Variants in VGF observed in about 807,000 individuals in gnomAD.
The protein encoded by VGF is neurosecretory protein VGF.
VGF carries 13 observed loss-of-function variants against 41.1 expected under a neutral mutation model. That is an observed-to-expected ratio of 0.32 (90% CI 0.21 to 0.50). The LOEUF (loss-of-function observed/expected upper bound fraction) is 0.50. VGF is among the 20% of genes least tolerant of loss of function. VGF has a pLI of 0.98. For synonymous variants in VGF, 473 were observed against 418.3 expected, an observed-to-expected ratio of 1.13 and a Z score of -1.60; for missense variants, 920 against 882.1, an observed-to-expected ratio of 1.04 and a Z score of -0.54.
chr7:101,163,284 C>T lies in VGF; in HGVS notation c.1560G>A (p.Leu520=). Residue 520 remains leucine (L), a synonymous_variant, in exon 2 of 2, where the codon CTG becomes CTA. Transcript: ENST00000249330. The surrounding 1 kb of genome is among the most constrained non-coding windows in gnomAD (Gnocchi z 5.0). ...PPAPAPARDE[L]PDWNEVLPPW... is the part of the protein sequence containing the mutation. ...GCGGGAGCACCTCGTTCCAGTCCGG[C>T]AGCTCGTCTCGTGCGGGAGCGGGGG... is the stretch of plus-strand genomic sequence containing the variant. 1 of 1,495,694 alleles carries T rather than the reference C, an allele frequency of 6.7e-7. No homozygotes were observed. The highest frequency in any genetic ancestry group is 8.8e-7 in the Non-Finnish European group (1 of 1,132,784). The allele number at this position is 1,495,694 out of a possible 1,614,324, so 92.7% of individuals were successfully genotyped here. A position where few individuals can be genotyped will look rare whatever the true frequency, so the allele number is the denominator to read the frequency against.
In VGF at chr7:101,164,171, G is replaced by T; in HGVS notation, c.673C>A (p.Pro225Thr). The part of the protein sequence containing the change: ...ARVPERAPLP[P>T]PAPSQFQARM... ...GCCTGGAATTGAGAGGGGGCCGGGGGCGGCAGGGGCGCGCGCTCCGGGACA... is the reference window on the plus strand; with the variant it reads ...GCCTGGAATTGAGAGGGGGCCGGGGTCGGCAGGGGCGCGCGCTCCGGGACA... The change falls in exon 2 of 2, where the codon CCC becomes ACC. Residue 225 changes from proline to threonine, a missense_variant. Pro to Thr is a conservative substitution (Grantham distance 38, BLOSUM62 -1). This residue lies in a region of VGF where 654 missense variants were observed against 638.4 expected (regional missense o/e 1.02). Coordinates refer to ENST00000249330, the MANE Select transcript of VGF (RefSeq NM_003378.4). The T allele has an allele frequency of 1.3e-6, 2 of 1,510,462 alleles. No individual in the cohort carries two copies. Among genetic ancestry groups the T allele is most frequent in the Non-Finnish European group, 1.8e-6 (2 of 1,136,908 alleles). 93.6% of individuals were successfully genotyped at this position (1,510,462 alleles called of 1,614,324 possible).
chr7:101,169,800 A>G (rs1270692136), upstream of VGF, among the ~76,000 whole-genome samples: 1 of 152,254 alleles, frequency 6.6e-6, no homozygotes, highest in East Asian at 1.9e-4. Context: ...ATTCTGGGGT[A>G]CACCAGGCAC....
upstream of VGF, among the ~76,000 whole-genome samples, chr7:101,169,335 GACAC>G (rs1329388054): frequency 1.3e-5 from 2 of 151,294 alleles, no homozygotes; most frequent in African/African-American, 2.4e-5. Context: ...TACACACACA[GACAC>G]ACACACACCA....
rs774837956 is a variant in VGF, at chr7:101,164,617, C to T, written c.227G>A (p.Gly76Asp). 1.9e-6 allele frequency: 3 copies of T among 1,598,726 alleles called. No homozygotes were observed. Among genetic ancestry groups the T allele is most frequent in the Non-Finnish European group, 2.6e-6 (3 of 1,173,570 alleles). ...CGCGGCCAGCGCCCGGGGATCCACGCCCTGGAAAAGCTCTCCCTCGTCCTG... is the reference window on the plus strand; with the variant it reads ...CGCGGCCAGCGCCCGGGGATCCACGTCCTGGAAAAGCTCTCCCTCGTCCTG... ...EPQDEGELFQ[G>D]VDPRALAAVL... The change falls in exon 2 of 2, where the codon GGC becomes GAC. Residue 76 changes from glycine to aspartate, a missense_variant. Coordinates refer to ENST00000249330, the MANE Select transcript of VGF (RefSeq NM_003378.4).
chr7:101,168,868 C>T (rs1195645283), upstream of VGF, among the ~76,000 whole-genome samples: 1 of 152,174 alleles, frequency 6.6e-6, no homozygotes, highest in East Asian at 1.9e-4. Flanking sequence ...TGACTCACCT[C>T]TGCAGCCTTT....
In VGF at chr7:101,164,255, G is replaced by C. The variant is rs747912898; in HGVS notation, c.589C>G (p.Leu197Val). 1.8e-5 allele frequency: 28 copies of C among 1,597,990 alleles called. No homozygotes were observed. Among genetic ancestry groups the C allele is most frequent in the Middle Eastern group, 1.7e-4 (1 of 6,040 alleles). ...TRTHTLTRVN[L>V]ESPGPERVWR... ...ACGCGCTCTGGCCCCGGGCTCTCCA[G>C]ATTCACTCGGGTCAGCGTGTGCGTG... Residue 197 changes from leucine (L) to valine (V), a missense_variant, in exon 2 of 2, where the codon CTG becomes GTG. Leu to Val is a conservative substitution (Grantham distance 32). Coordinates refer to ENST00000249330, the MANE Select transcript of VGF (RefSeq NM_003378.4).
Position 101,164,406 on chromosome 7 carries a change from C to T in VGF, c.438G>A (p.Gly146=), listed in dbSNP as rs1353931506. 6.2e-7 allele frequency: 1 copy of T among 1,610,724 alleles called. No individual in the cohort carries two copies. The stretch of plus-strand genomic sequence containing the variant: ...CCTCGGAGGGATCGCTCGCCTCGGG[C>T]CCATTCTCCGGAGTCTGAGGGCGAG... The part of the protein sequence containing the change: ...APPRPQTPEN[G]PEASDPSEEL... Residue 146 remains glycine (G), a synonymous_variant, in exon 2 of 2, where the codon GGG becomes GGA. Coordinates refer to ENST00000249330, the MANE Select transcript of VGF (RefSeq NM_003378.4).
rs746319210 is a variant in VGF at position 101,163,144 on chromosome 7, T to C, written c.1700A>G (p.His567Arg). ...GTGGCGCGAAGGCGGCAAGGCGTGG[T>C]GGTAGTGGCGGCGGCGCAAGGCCGA... ...PPSALRRRHY[H>R]HALPPSRHYP... The change falls in exon 2 of 2, where the codon CAC becomes CGC. Residue 567 changes from histidine to arginine, a missense_variant. Coordinates refer to ENST00000249330, the MANE Select transcript of VGF (RefSeq NM_003378.4). The surrounding 1 kb of genome is among the most constrained non-coding windows in gnomAD (Gnocchi z 5.0). 1.3e-6 allele frequency: 2 copies of C among 1,582,726 alleles called. No homozygotes were observed. Among genetic ancestry groups the C allele is most frequent in the East Asian group, 2.4e-5 (1 of 41,278 alleles).
At chr7:101,168,012 T>G (rs912590167), upstream of VGF, among the ~76,000 whole-genome samples, 5 of 99,344 alleles carry the variant, frequency 5.0e-5, no homozygotes, top group African/African-American at 1.5e-4. Flanking sequence ...CTGGGTTGTT[T>G]TTTTTTGTTT....
rs777985669 is a variant in VGF, at chr7:101,163,373, C to A, written c.1471G>T (p.Val491Leu). ...KRKKNAPPEP[V>L]PPPRAAPAPT... is the part of the protein sequence containing the mutation. Reference sequence around the variant, plus strand: ...GCGGGGGCGGCACGGGGGGGCGGCACGGGCTCGGGAGGGGCGTTCTTCTTC... The same window carrying A: ...GCGGGGGCGGCACGGGGGGGCGGCAAGGGCTCGGGAGGGGCGTTCTTCTTC... The change falls in exon 2 of 2, where the codon GTG becomes TTG. Residue 491 changes from valine (V) to leucine (L), a missense_variant. By Grantham distance (32) the Val-to-Leu change is conservative (BLOSUM62 1). Transcript: ENST00000249330. This position sits in a 1 kb window ranked among gnomAD's most constrained non-coding sequence, Gnocchi z 5.0. 2.6e-6 allele frequency: 4 copies of A among 1,562,464 alleles called. No individual in the cohort carries two copies. The highest frequency in any genetic ancestry group is 3.4e-6 in the Non-Finnish European group (4 of 1,160,294).
upstream of VGF, among the ~76,000 whole-genome samples, chr7:101,169,074 G>A (rs1797265164): frequency 2.0e-5 from 3 of 152,030 alleles, no homozygotes; most frequent in Admixed American, 1.3e-4. Context: ...TGGGCTGGGG[G>A]CTACGGGAGG....
upstream of VGF, among the ~76,000 whole-genome samples, chr7:101,166,523 G>GGGC (rs558445019): frequency 2.3e-4 from 34 of 150,184 alleles, no homozygotes; most frequent in Middle Eastern, 3.5e-3. Context: ...GGTGGGGGGG[G>GGGC]GGTGACTCAA....
chr7:101,165,904 G>A (rs1233067504), upstream of VGF, among the ~76,000 whole-genome samples: 1 of 152,274 alleles, frequency 6.6e-6, no homozygotes, highest in African/African-American at 2.4e-5. Context: ...TGAATGGAAG[G>A]GTGGATGCAG....
At position 101,163,182 on chromosome 7, in the gene VGF, T is replaced by C; in HGVS notation, c.1662A>G (p.Thr554=). ...GGCGCAAGGCCGAGGGCGGCTGCAG[T>C]GTCCGCGGCCGGATGTAGTTGGGGA... The part of the protein sequence containing the change: ...HPFPNYIRPR[T]LQPPSALRRR... The change falls in exon 2 of 2, where the codon ACA becomes ACG. Residue 554 remains threonine (T), a synonymous_variant. Coordinates refer to ENST00000249330, the MANE Select transcript of VGF (RefSeq NM_003378.4). This position sits in a 1 kb window ranked among gnomAD's most constrained non-coding sequence, Gnocchi z 5.0. 1.3e-6 allele frequency: 2 copies of C among 1,548,376 alleles called. No homozygotes were observed. Among genetic ancestry groups the C allele is most frequent in the Admixed American group, 4.1e-5 (2 of 48,992 alleles).
chr7:101,163,236 C>T lies in VGF; in HGVS notation c.1608G>A (p.Glu536=). 1 of 1,530,068 alleles carries T rather than the reference C, an allele frequency of 6.5e-7. No individual in the cohort carries two copies. The highest frequency in any genetic ancestry group is 8.8e-7 in the Non-Finnish European group (1 of 1,142,766). 94.8% of individuals were successfully genotyped at this position (1,530,068 alleles called of 1,614,324 possible). Residue 536 remains glutamate, a synonymous_variant, in exon 2 of 2, where the codon GAG becomes GAA. Transcript: ENST00000249330. This position sits in a 1 kb window ranked among gnomAD's most constrained non-coding sequence, Gnocchi z 5.0. ...VLPPWDREED[E]VYPPGPYHPF... ...GGTGGTACGGCCCTGGCGGGTACAC[C>T]TCGTCCTCCTCCCGATCCCAGGGCG... is the stretch of plus-strand genomic sequence containing the variant.
At chr7:101,166,998 G>A (rs1797232032), upstream of VGF, among the ~76,000 whole-genome samples, 1 of 152,050 alleles carries the variant, frequency 6.6e-6, no homozygotes, top group Admixed American at 6.5e-5. Flanking sequence ...CACACGCAGG[G>A]CACCCGCACC....
upstream of VGF, among the ~76,000 whole-genome samples, chr7:101,169,896 ACACT>A (rs1405923373): frequency 1.3e-5 from 2 of 152,254 alleles, no homozygotes; most frequent in African/African-American, 2.4e-5. Flanking sequence ...GCCCACGGAC[ACACT>A]CACACGGACG....
At position 101,162,691 on chromosome 7, in the gene VGF, C is replaced by T; in HGVS notation, c.*305G>A. 2 of 507,128 alleles carry T rather than the reference C, an allele frequency of 3.9e-6. No homozygotes were observed. The highest frequency in any genetic ancestry group is 3.7e-6 in the Non-Finnish European group (1 of 268,590). The allele number at this position is 507,128 out of a possible 1,614,324, so 31.4% of individuals were successfully genotyped here. On this transcript the variant is annotated 3_prime_UTR_variant, in exon 2 of 2. Transcript: ENST00000249330. This position sits in a 1 kb window ranked among gnomAD's most constrained non-coding sequence, Gnocchi z 4.2. ...CACAATTAACTGGAACTGCTTTTTC[C>T]GGTTTCCGACGGGGACGTCCCCAGA...
chr7:101,167,244 GA>G (rs1797235416), upstream of VGF, among the ~76,000 whole-genome samples: 1 of 152,172 alleles, frequency 6.6e-6, no homozygotes, highest in African/African-American at 2.4e-5. The surrounding 1 kb of genome is among the most constrained non-coding windows in gnomAD (Gnocchi z 4.2). Context: ...AAGAAATGGG[GA>G]GGAGTGGAGA....
Sources: gnomAD v4.1 joint callset for allele counts (sites outside exome capture counted in the v4.1 genomes callset) on GRCh38, gnomAD v4.1.1 for gene constraint, gnomAD v4.1.1 regional missense constraint, Gnocchi (gnomAD v3.1) non-coding constraint, MANE v1.5 for transcripts, NCBI Gene and HGNC (gene_info 2026-07-23, HGNC 2026-07-21) for gene names.